The following GPC5 variants were observed in gnomAD, a reference collection of about 807,000 sequenced individuals.
The protein encoded by GPC5 is glypican-5.
GPC5 carries 47 observed loss-of-function variants against 53.9 expected under a neutral mutation model. That is an observed-to-expected ratio of 0.87 (90% CI 0.69 to 1.11). The LOEUF is 1.11. Among genes scored for constraint, GPC5 ranks in the 50% most tolerant of loss-of-function variants. The probability of loss-of-function intolerance (pLI) is 0.00; values close to 1 mark genes in which losing one functional copy is unlikely to be tolerated. For missense variants in GPC5, 748 were observed against 713.1 expected (o/e 1.05, Z -0.56); for synonymous variants, 286 against 263.3 (o/e 1.09, Z -0.84).
intron 7 of GPC5, among the ~76,000 whole-genome samples, chr13:92,797,822 TAGA>T (rs1469797427): frequency 1.8e-4 from 12 of 65,496 alleles, no homozygotes; most frequent in African/African-American, 4.3e-4. Flanking sequence ...CAAGGGATGA[TAGA>T]TAGATAGATA....
chr13:91,693,120 G>T, intron 2 of GPC5, 67 bp from the exon 3 acceptor site: 1 of 1,127,528 alleles, frequency 8.9e-7, no homozygotes, highest in African/African-American at 1.6e-5. Flanking sequence ...TTTAATGTCT[G>T]GAGCAGATGG....
intron 6 of GPC5, among the ~76,000 whole-genome samples, chr13:91,930,653 G>A (rs866432734): frequency 1.3e-5 from 2 of 151,914 alleles, no homozygotes; most frequent in South Asian, 4.2e-4. Flanking sequence ...TGTGAAGGTC[G>A]GGACCATACA....
chr13:91,640,962 A>T (rs2034412082), intron 2 of GPC5, among the ~76,000 whole-genome samples: 1 of 152,214 alleles, frequency 6.6e-6, no homozygotes, highest in South Asian at 2.1e-4. Context: ...GTGGAATTAG[A>T]TCATGTCCTT....
At chr13:91,909,074 A>G (rs1455816782) in intron 6 of GPC5, among the ~76,000 whole-genome samples, 6 of 152,188 alleles carry the variant, frequency 3.9e-5, no homozygotes, top group African/African-American at 1.4e-4. Flanking sequence ...GTTGGTGTCC[A>G]ATACCATAGA....
At chr13:92,456,407 A>G (rs1471386274) in intron 7 of GPC5, among the ~76,000 whole-genome samples, 1 of 152,194 alleles carries the variant, frequency 6.6e-6, no homozygotes, top group Non-Finnish European at 1.5e-5. Context: ...CTCAAGTATC[A>G]GTTAATGAGT....
chr13:91,766,264 C>T (rs1258216455), intron 5 of GPC5, among the ~76,000 whole-genome samples: 7 of 152,224 alleles, frequency 4.6e-5, no homozygotes, highest in African/African-American at 1.7e-4. Context: ...GTGAAATGCT[C>T]TGAGTTGAGT....
chr13:91,750,505 G>A (rs924770680), intron 4 of GPC5, among the ~76,000 whole-genome samples: 1 of 152,006 alleles, frequency 6.6e-6, no homozygotes, highest in Non-Finnish European at 1.5e-5. Context: ...CACTCTCCCA[G>A]CAACTTAAAT....
intron 7 of GPC5, among the ~76,000 whole-genome samples, chr13:92,723,436 C>G (rs1888556381): frequency 3.0e-5 from 2 of 66,062 alleles, no homozygotes; most frequent in South Asian, 1.3e-3. Context: ...TAGAGTTCAC[C>G]ATTATTACAG....
intron 7 of GPC5, among the ~76,000 whole-genome samples, chr13:92,469,605 A>C (rs7985472): frequency 0.3 from 44,976 of 151,922 alleles, 7,206 homozygotes; most frequent in East Asian, 0.42. Context: ...ATTTTAACTC[A>C]TTTTAAAGCC....
At chr13:91,895,901 G>A (rs1336515962) in intron 5 of GPC5, among the ~76,000 whole-genome samples, 1 of 151,976 alleles carries the variant, frequency 6.6e-6, no homozygotes, top group Admixed American at 6.6e-5. Context: ...TCCCTCTAAT[G>A]GTTCTAGGAG....
intron 1 of GPC5, among the ~76,000 whole-genome samples, chr13:91,405,446 A>C (rs915061960): frequency 2.0e-5 from 3 of 152,094 alleles, no homozygotes; most frequent in Admixed American, 2.0e-4. Flanking sequence ...TGGGTCCTTC[A>C]CACACACAGA....
chr13:92,764,112 C>G (rs2138741005), intron 7 of GPC5, among the ~76,000 whole-genome samples: 1 of 152,304 alleles, frequency 6.6e-6, no homozygotes, highest in East Asian at 1.9e-4. Context: ...CTCAGCTCAG[C>G]CAAGGCATCG....
intron 6 of GPC5, among the ~76,000 whole-genome samples, chr13:91,928,534 A>G (rs1335053504): frequency 6.6e-6 from 1 of 152,164 alleles, no homozygotes; most frequent in Non-Finnish European, 1.5e-5. Flanking sequence ...TGCACATTTC[A>G]TGTTCCAAAG....
chr13:91,662,134 G>C (rs1161287436), intron 2 of GPC5, among the ~76,000 whole-genome samples: 1 of 152,134 alleles, frequency 6.6e-6, no homozygotes, highest in Non-Finnish European at 1.5e-5. Flanking sequence ...ACTGAGGCAG[G>C]AGCCCTGGGA....
intron 7 of GPC5, among the ~76,000 whole-genome samples, chr13:92,530,931 C>T (rs756429413): frequency 1.3e-5 from 2 of 152,186 alleles, no homozygotes; most frequent in Non-Finnish European, 2.9e-5. Context: ...TTTTGAAAAG[C>T]ACACATGATC....
At chr13:92,527,408 T>G (rs2483515) in intron 7 of GPC5, among the ~76,000 whole-genome samples, 126,486 of 150,990 alleles carry the variant, frequency 0.84, 53,529 homozygotes, top group African/African-American at 0.95. Flanking sequence ...AAGAGCAGAG[T>G]ATGGTTAATA....
chr13:92,578,858 A>G (rs1325837786), intron 7 of GPC5, among the ~76,000 whole-genome samples: 3 of 152,166 alleles, frequency 2.0e-5, no homozygotes, highest in Non-Finnish European at 4.4e-5. Context: ...AGAAGATAAC[A>G]CGGATTCAAG....
intron 7 of GPC5, among the ~76,000 whole-genome samples, chr13:92,792,853 C>A (rs1008963954): frequency 1.4e-4 from 22 of 152,122 alleles, no homozygotes; most frequent in African/African-American, 5.3e-4. Context: ...AAGATATATG[C>A]AACCAATACT....
intron 7 of GPC5, among the ~76,000 whole-genome samples, chr13:92,361,910 C>A (rs1234650045): frequency 6.6e-6 from 1 of 151,500 alleles, no homozygotes; most frequent in African/African-American, 2.4e-5. Context: ...TGACCTACAG[C>A]TAACGAGCTT....
Sources: gnomAD v4.1 joint callset for allele counts (sites outside exome capture counted in the v4.1 genomes callset) on GRCh38, gnomAD v4.1.1 for gene constraint, MANE v1.5 for transcripts, NCBI Gene and HGNC (gene_info 2026-07-23, HGNC 2026-07-21) for gene names.